The following RANBP2 variants were observed in gnomAD, a reference collection of about 807,000 sequenced individuals.
The protein encoded by RANBP2 is E3 SUMO-protein ligase RanBP2.
RANBP2 carries 57 observed loss-of-function variants against 303.6 expected under a neutral mutation model. The observed-to-expected ratio is 0.19, with a 90% CI of 0.15 to 0.23. RANBP2 has a LOEUF of 0.23. Ranked by LOEUF, RANBP2 falls within the 10% of genes least tolerant of loss-of-function variation. The probability of loss-of-function intolerance (pLI) is 1.00; values close to 1 mark genes in which losing one functional copy is unlikely to be tolerated. For synonymous variants in RANBP2, 1,167 were observed against 1,301.5 expected, an observed-to-expected ratio of 0.90 and a Z score of 2.23; for missense variants, 3,138 against 3,780.8, an observed-to-expected ratio of 0.83 and a Z score of 4.46.
At chr2:109,398,554 T>C in the RANBP2 span, 5 of 1,506,396 alleles carry the variant, frequency 3.3e-6, no homozygotes, top group Non-Finnish European at 4.4e-6. Flanking sequence ...GTGACCATGA[T>C]TTAATGCAGC....
chr2:109,000,830 GC>G, the RANBP2 span, among the ~76,000 whole-genome samples: 1 of 152,074 alleles, frequency 6.6e-6, no homozygotes, highest in Non-Finnish European at 1.5e-5. Context: ...GAAAACGGAG[GC>G]ACACAGGATG....
chr2:109,017,622 C>CT, the RANBP2 span, among the ~76,000 whole-genome samples: 7 of 152,096 alleles, frequency 4.6e-5, no homozygotes, highest in African/African-American at 1.7e-4. Flanking sequence ...TTAAATTGCT[C>CT]TTTTTTTCCA....
At chr2:109,700,407 A>G in the RANBP2 span, among the ~76,000 whole-genome samples, 1 of 151,816 alleles carries the variant, frequency 6.6e-6, no homozygotes, top group African/African-American at 2.4e-5. Flanking sequence ...CGATATATAT[A>G]AGAAGTAGAT....
chr2:108,793,737 C>G, the RANBP2 span, among the ~76,000 whole-genome samples: 2 of 151,908 alleles, frequency 1.3e-5, no homozygotes, highest in Admixed American at 6.6e-5. Context: ...GCTGGGACTA[C>G]AGGCACCCGC....
Position 108,767,564 on chromosome 2 carries a change from A to T in RANBP2, c.7025A>T (p.Tyr2342Phe). 6.2e-7 allele frequency: 1 copy of T among 1,612,020 alleles called. No individual in the cohort carries two copies. The highest frequency in any genetic ancestry group is 8.5e-7 in the Non-Finnish European group (1 of 1,179,860). The change falls in exon 20 of 29, where the codon TAT becomes TTT. Residue 2342 changes from tyrosine (Y) to phenylalanine (F), a missense_variant. Around this residue, in one of 20 missense-constraint regions of RANBP2, gnomAD observed 92 missense variants for 211.0 expected, o/e 0.44. Transcript: ENST00000283195. ...AGTCACAGGGCAAAACTCTACAGAT[A>T]TGATAAAGATGTTGGTCAATGGAAA... ...VFSHRAKLYRYDKDVGQWKER... is the reference protein window; with the variant it reads ...VFSHRAKLYRFDKDVGQWKER...
At chr2:108,834,676 G>A in the RANBP2 span, among the ~76,000 whole-genome samples, 4 of 152,150 alleles carry the variant, frequency 2.6e-5, no homozygotes, top group African/African-American at 7.2e-5. Flanking sequence ...TCCCAATGCT[G>A]TACAACCATC....
the RANBP2 span, among the ~76,000 whole-genome samples, chr2:109,681,194 A>G: frequency 1.3e-5 from 2 of 152,314 alleles, no homozygotes; most frequent in South Asian, 4.1e-4. Flanking sequence ...TGGGTGGTTC[A>G]ATTTATGTGA....
chr2:109,613,751 G>A, the RANBP2 span: 1 of 1,176,902 alleles, frequency 8.5e-7, no homozygotes. Flanking sequence ...AAGTCCCGCG[G>A]GGGCCGGGGA....
At chr2:108,775,623 T>C (rs1250428022) in intron 23 of RANBP2, 109 bp from the exon 24 acceptor site, 4 of 1,124,426 alleles carry the variant, frequency 3.6e-6, no homozygotes, top group East Asian at 4.9e-5. Flanking sequence ...GTGTTTATTC[T>C]ATCTTCTCCA....
At chr2:109,588,137 C>G in the RANBP2 span, among the ~76,000 whole-genome samples, 1 of 151,438 alleles carries the variant, frequency 6.6e-6, no homozygotes, top group Non-Finnish European at 1.5e-5. Flanking sequence ...TAGAATTCTA[C>G]AGCCAATGAA....
the RANBP2 span, among the ~76,000 whole-genome samples, chr2:109,139,216 C>T: frequency 6.6e-6 from 1 of 152,134 alleles, no homozygotes; most frequent in Admixed American, 6.5e-5. Context: ...TAATTAAAAC[C>T]AGATGTGTTT....
the RANBP2 span, chr2:109,567,674 A>C: frequency 1.3e-6 from 1 of 784,008 alleles, no homozygotes; most frequent in East Asian, 2.8e-5. Context: ...ACATTTTCTC[A>C]TACTGGACTT....
At chr2:109,138,480 T>C in the RANBP2 span, among the ~76,000 whole-genome samples, 1 of 152,220 alleles carries the variant, frequency 6.6e-6, no homozygotes, top group Non-Finnish European at 1.5e-5. Context: ...AAAATTAGCT[T>C]GGTGCTGCAT....
chr2:109,567,287 C>T, the RANBP2 span, among the ~76,000 whole-genome samples: 6 of 152,252 alleles, frequency 3.9e-5, 1 homozygote, highest in African/African-American at 1.4e-4. Flanking sequence ...TCCTACAAAA[C>T]ACAACCAGGT....
At chr2:109,585,750 T>C in the RANBP2 span, 14 of 1,613,468 alleles carry the variant, frequency 8.7e-6, no homozygotes, top group Admixed American at 1.3e-4. Flanking sequence ...GCAGAAACCT[T>C]GCTGAATGGA....
chr2:109,499,975 A>G, the RANBP2 span, among the ~76,000 whole-genome samples: 1 of 152,026 alleles, frequency 6.6e-6, no homozygotes, highest in African/African-American at 2.4e-5. Flanking sequence ...GGGGCTCAGG[A>G]GAGTGGGGGA....
intron 17 of RANBP2, 115 bp downstream of exon 17, chr2:108,755,374 G>T: frequency 6.8e-7 from 1 of 1,478,804 alleles, no homozygotes; most frequent in Non-Finnish European, 9.2e-7. Flanking sequence ...CAAATAGTAT[G>T]GCAAGGGGAC....
the RANBP2 span, among the ~76,000 whole-genome samples, chr2:109,434,417 A>G: frequency 6.6e-6 from 1 of 152,170 alleles, no homozygotes; most frequent in African/African-American, 2.4e-5. Context: ...AGACCTTCAG[A>G]GATGTAAAGC....
chr2:108,912,581 C>T, the RANBP2 span: 1 of 1,204,234 alleles, frequency 8.3e-7, no homozygotes. Flanking sequence ...GGGAAGCGCA[C>T]CATAATCATC....
Sources: allele counts gnomAD v4.1 joint callset (sites outside exome capture counted in the v4.1 genomes callset), GRCh38; gene constraint gnomAD v4.1.1; regional missense constraint gnomAD v4.1.1; transcripts MANE v1.5; gene names NCBI Gene and HGNC (gene_info 2026-07-23, HGNC 2026-07-21).